ZBTB7C: variants seen among roughly 807,000 people sequenced by gnomAD.
ZBTB7C encodes the protein zinc finger and BTB domain-containing protein 7C.
In ZBTB7C, 8 loss-of-function variants were observed where a neutral mutation model predicts 25.7. That is an observed-to-expected ratio of 0.31 (90% CI 0.18 to 0.56). The LOEUF is 0.56. ZBTB7C is among the 20% of genes least tolerant of loss of function. The probability of loss-of-function intolerance (pLI) is 0.91; values close to 1 mark genes in which losing one functional copy is unlikely to be tolerated. For synonymous variants in ZBTB7C, 394 were observed against 369.0 expected (o/e 1.07, Z -0.78); for missense variants, 824 against 855.2 (o/e 0.96, Z 0.46).
At position 48,029,474 on chromosome 18, in the gene ZBTB7C, C is replaced by A; in HGVS notation, c.1646G>T (p.Arg549Leu). 1 of 1,596,916 alleles carries A rather than the reference C, an allele frequency of 6.3e-7. No individual in the cohort carries two copies. The highest frequency in any genetic ancestry group is 8.5e-7 in the Non-Finnish European group (1 of 1,175,552). Residue 549 changes from arginine to leucine, a missense_variant, in exon 5 of 5, where the codon CGG becomes CTG. Arg to Leu is a moderately radical substitution (Grantham distance 102). Transcript: ENST00000590800. ...CTTCATCTGTGTCTCCTCGAACTGC[C>A]GCTCCAGCTCTTGCAGGCTCAGGGC... ...KGALSLQELERQFEETQMKLF... is the reference protein window; with the variant it reads ...KGALSLQELELQFEETQMKLF...
At chr18:48,177,654 C>G (rs751847055) in intron 3 of ZBTB7C, among the ~76,000 whole-genome samples, 4 of 152,072 alleles carry the variant, frequency 2.6e-5, no homozygotes, top group Non-Finnish European at 5.9e-5. Context: ...TCAGGCCAGG[C>G]CTGGCCTGTT....
At position 48,300,601 on chromosome 18, in the gene ZBTB7C, C is replaced by T. The variant is rs531318175; in HGVS notation, c.-79+37573G>A. ...CCTAGAAGAGGAAGAGCTAGAGGGG[C>T]GGGGCCAGGAGGAGGTGCAAGTGAC... is the stretch of plus-strand genomic sequence containing the variant. On this transcript the variant is annotated intron_variant, in intron 2 of 4. Transcript: ENST00000590800. 3.3e-5 allele frequency among the ~76,000 whole-genome samples: 5 copies of T among 151,976 alleles called. No individual in the cohort carries two copies. In the East Asian group the frequency reaches 7.8e-4, roughly 24 times the overall value.
intron 2 of ZBTB7C, among the ~76,000 whole-genome samples, chr18:48,318,690 C>T (rs1598859694): frequency 6.6e-6 from 1 of 152,208 alleles, no homozygotes; most frequent in African/African-American, 2.4e-5. Flanking sequence ...TTCTCAACAG[C>T]ATCTATTGTT....
At chr18:48,399,357 A>G (rs1035338534) in intron 1 of ZBTB7C, among the ~76,000 whole-genome samples, 1 of 152,236 alleles carries the variant, frequency 6.6e-6, no homozygotes, top group East Asian at 1.9e-4. Context: ...TATTCGGAAA[A>G]ATTAAATTAA....
chr18:48,246,299 G>A (rs768585618), intron 2 of ZBTB7C, among the ~76,000 whole-genome samples: 11 of 151,932 alleles, frequency 7.2e-5, no homozygotes, highest in Non-Finnish European at 1.2e-4. Flanking sequence ...GCGTGGTGGC[G>A]GGTGCCTGTA....
chr18:48,360,007 T>C (rs2047066566), intron 1 of ZBTB7C, among the ~76,000 whole-genome samples: 1 of 152,224 alleles, frequency 6.6e-6, no homozygotes, highest in Non-Finnish European at 1.5e-5. Context: ...TTGGATGTGT[T>C]TGAATCTAGA....
At chr18:48,332,680 T>C (rs2046368027) in intron 2 of ZBTB7C, among the ~76,000 whole-genome samples, 1 of 148,228 alleles carries the variant, frequency 6.7e-6, no homozygotes, top group Admixed American at 6.7e-5. Context: ...TTGCTTTTTT[T>C]TTTTTTTTTT....
intron 2 of ZBTB7C, among the ~76,000 whole-genome samples, chr18:48,256,424 A>G (rs1364256914): frequency 6.6e-6 from 1 of 150,920 alleles, no homozygotes; most frequent in African/African-American, 2.4e-5. Context: ...CATGGTGAAA[A>G]TGCCTTTCTA....
chr18:48,301,439 A>T (rs2045541855), intron 2 of ZBTB7C, among the ~76,000 whole-genome samples: 1 of 152,196 alleles, frequency 6.6e-6, no homozygotes, highest in Admixed American at 6.5e-5. Flanking sequence ...AGATCGCACC[A>T]CTACACTCCA....
At chr18:48,235,406 A>G (rs1334441085) in intron 2 of ZBTB7C, among the ~76,000 whole-genome samples, 1 of 152,198 alleles carries the variant, frequency 6.6e-6, no homozygotes, top group Non-Finnish European at 1.5e-5. Flanking sequence ...TCTTCACCAA[A>G]TCAAGGACTG....
chr18:48,371,263 G>C (rs1194211346), intron 1 of ZBTB7C, among the ~76,000 whole-genome samples: 1 of 152,106 alleles, frequency 6.6e-6, no homozygotes, highest in Non-Finnish European at 1.5e-5. Flanking sequence ...TAAGCCTCCT[G>C]GTGTTTCTGT....
chr18:48,312,137 T>C (rs2045835633), intron 2 of ZBTB7C, among the ~76,000 whole-genome samples: 1 of 152,238 alleles, frequency 6.6e-6, no homozygotes, highest in South Asian at 2.1e-4. Context: ...TCTCAGGCAG[T>C]GCCCACGTGC....
At chr18:48,328,534 G>A (rs1227082517) in intron 2 of ZBTB7C, among the ~76,000 whole-genome samples, 1 of 152,100 alleles carries the variant, frequency 6.6e-6, no homozygotes, top group Non-Finnish European at 1.5e-5. Flanking sequence ...GGTTGGGCTG[G>A]CCCAAATGAT....
At chr18:48,063,413 T>G (rs1172295021) in intron 3 of ZBTB7C, among the ~76,000 whole-genome samples, 1 of 152,106 alleles carries the variant, frequency 6.6e-6, no homozygotes, top group Non-Finnish European at 1.5e-5. Context: ...AATACTTCTG[T>G]GAGGGGGCAG....
chr18:48,067,587 G>A lies in ZBTB7C; in HGVS notation c.-16-26464C>T, dbSNP rs1409786240. On this transcript the variant is annotated intron_variant, in intron 3 of 4. Transcript: ENST00000590800. ...AAAATGACTGAGGTCCCCAGAGGAA[G>A]AGGTAACTCTGTCCCCAGAGTCAAG... Among the ~76,000 whole-genome samples the A allele has an allele frequency of 2.6e-5, 4 of 152,324 alleles. No individual in the cohort carries two copies. In the East Asian group the frequency reaches 7.7e-4, roughly 29 times the overall value.
At chr18:48,351,409 G>A (rs2046859571) in intron 1 of ZBTB7C, among the ~76,000 whole-genome samples, 1 of 152,208 alleles carries the variant, frequency 6.6e-6, no homozygotes, top group South Asian at 2.1e-4. Context: ...GTGGCTTTGG[G>A]TGTCTCAACC....
intron 3 of ZBTB7C, among the ~76,000 whole-genome samples, chr18:48,109,635 C>T (rs1259822289): frequency 2.0e-5 from 3 of 151,840 alleles, no homozygotes; most frequent in Non-Finnish European, 4.4e-5. Flanking sequence ...ACAGTGCATG[C>T]GTGGTAAGAC....
intron 3 of ZBTB7C, among the ~76,000 whole-genome samples, chr18:48,175,537 T>A (rs2041642376): frequency 6.6e-6 from 1 of 152,168 alleles, no homozygotes; most frequent in Admixed American, 6.5e-5. Flanking sequence ...AGTACATGGA[T>A]GTATAGGTGT....
chr18:48,245,265 C>T (rs1003470826), intron 2 of ZBTB7C, among the ~76,000 whole-genome samples: 1 of 150,840 alleles, frequency 6.6e-6, no homozygotes, highest in African/African-American at 2.4e-5. Flanking sequence ...TAAGTGGAAG[C>T]TAAGCTATGA....
Sources: gnomAD v4.1 joint callset for allele counts (sites outside exome capture counted in the v4.1 genomes callset) on GRCh38, gnomAD v4.1.1 for gene constraint, MANE v1.5 for transcripts, NCBI Gene and HGNC (gene_info 2026-07-23, HGNC 2026-07-21) for gene names.